The following AFG2A variants were observed in gnomAD, a reference collection of about 807,000 sequenced individuals.
The protein encoded by AFG2A is ATPase family gene 2 protein homolog A.
At chr4:123,030,821 G>A in the AFG2A span, among the ~76,000 whole-genome samples, 2 of 152,108 alleles carry the variant, frequency 1.3e-5, no homozygotes, top group Admixed American at 6.5e-5. Context: ...TCCCAGTTGA[G>A]CATCCCTAAT....
chr4:123,277,820 A>G, the AFG2A span, among the ~76,000 whole-genome samples: 1 of 152,196 alleles, frequency 6.6e-6, no homozygotes, highest in East Asian at 1.9e-4. Context: ...CCAGGGATAA[A>G]GCCTACTTGA....
At chr4:122,989,684 C>T in the AFG2A span, among the ~76,000 whole-genome samples, 16,452 of 151,922 alleles carry the variant, frequency 0.11, 997 homozygotes, top group Middle Eastern at 0.22. Context: ...TGGGGGCTGA[C>T]CTTGGGCTGG....
At chr4:122,979,152 G>C in the AFG2A span, 1 of 1,507,962 alleles carries the variant, frequency 6.6e-7, no homozygotes, top group Non-Finnish European at 8.9e-7. Context: ...TGCCACTCCA[G>C]ATGGGCCACC....
chr4:123,135,151 C>A, the AFG2A span, among the ~76,000 whole-genome samples: 2 of 152,078 alleles, frequency 1.3e-5, no homozygotes, highest in South Asian at 2.1e-4. Context: ...GAATGAAGGA[C>A]AAAAACTACA....
the AFG2A span, among the ~76,000 whole-genome samples, chr4:123,153,335 A>T: frequency 6.6e-6 from 1 of 152,274 alleles, no homozygotes. Flanking sequence ...CTCTGAATTT[A>T]TACTATGTCA....
At chr4:123,266,347 T>G in the AFG2A span, among the ~76,000 whole-genome samples, 1 of 151,944 alleles carries the variant, frequency 6.6e-6, no homozygotes, top group Non-Finnish European at 1.5e-5. Context: ...TTGTCCAGAT[T>G]AGATGACATA....
the AFG2A span, among the ~76,000 whole-genome samples, chr4:123,005,187 G>A: frequency 3.3e-5 from 5 of 152,116 alleles, no homozygotes; most frequent in South Asian, 1.0e-3. Flanking sequence ...GTCTCACTCT[G>A]TTGGCCAGGC....
the AFG2A span, among the ~76,000 whole-genome samples, chr4:123,038,627 C>T: frequency 1.3e-5 from 2 of 152,074 alleles, no homozygotes. Context: ...ACTTGGGTTG[C>T]ATTTTGCAGG....
At chr4:123,209,073 C>G in the AFG2A span, among the ~76,000 whole-genome samples, 1 of 152,102 alleles carries the variant, frequency 6.6e-6, no homozygotes, top group Non-Finnish European at 1.5e-5. Context: ...TTTGTGATAT[C>G]TTTAATAATA....
the AFG2A span, among the ~76,000 whole-genome samples, chr4:122,997,573 G>C: frequency 6.6e-6 from 1 of 151,954 alleles, no homozygotes; most frequent in East Asian, 1.9e-4. Flanking sequence ...TCTACTTTTT[G>C]GCTATTATGA....
At chr4:123,169,571 G>A in the AFG2A span, among the ~76,000 whole-genome samples, 6 of 152,200 alleles carry the variant, frequency 3.9e-5, no homozygotes, top group East Asian at 1.9e-4. Context: ...TCTGCTTCCC[G>A]GGCTTCAAGC....
At chr4:123,256,544 G>A in the AFG2A span, among the ~76,000 whole-genome samples, 2 of 152,288 alleles carry the variant, frequency 1.3e-5, no homozygotes, top group African/African-American at 2.4e-5. Context: ...AAATGGAAAT[G>A]ATACTACTAC....
the AFG2A span, among the ~76,000 whole-genome samples, chr4:123,023,192 GATAATA>G: frequency 7.3e-5 from 11 of 150,276 alleles, no homozygotes; most frequent in Middle Eastern, 3.2e-3. Flanking sequence ...TAATAATAAT[GATAATA>G]ATAATAATAA....
the AFG2A span, among the ~76,000 whole-genome samples, chr4:123,279,442 A>G: frequency 3.3e-5 from 5 of 152,066 alleles, no homozygotes; most frequent in Admixed American, 6.6e-5. Context: ...TTATAGAACT[A>G]ATGTATATAA....
the AFG2A span, among the ~76,000 whole-genome samples, chr4:122,935,541 G>A: frequency 6.6e-6 from 1 of 152,010 alleles, no homozygotes; most frequent in South Asian, 2.1e-4. Context: ...TCATTGCTGG[G>A]TATCAGTGTT....
At chr4:123,042,502 G>T in the AFG2A span, among the ~76,000 whole-genome samples, 1 of 152,086 alleles carries the variant, frequency 6.6e-6, no homozygotes, top group Non-Finnish European at 1.5e-5. Context: ...GGACAAATTT[G>T]GTCCATAGCA....
chr4:123,035,446 T>A, the AFG2A span, among the ~76,000 whole-genome samples: 1 of 152,216 alleles, frequency 6.6e-6, no homozygotes, highest in African/African-American at 2.4e-5. Flanking sequence ...AAATCGGCAG[T>A]TATTAACATC....
the AFG2A span, among the ~76,000 whole-genome samples, chr4:123,132,927 C>T: frequency 6.6e-6 from 1 of 151,832 alleles, no homozygotes; most frequent in East Asian, 2.0e-4. Context: ...ACTACAGGCG[C>T]CCACCACCAC....
At chr4:123,041,483 G>A in the AFG2A span, among the ~76,000 whole-genome samples, 2 of 151,518 alleles carry the variant, frequency 1.3e-5, no homozygotes, top group Non-Finnish European at 2.9e-5. Flanking sequence ...TTTAGACTAT[G>A]TATAATCTAT....
Sources: gnomAD v4.1 joint callset for allele counts (sites outside exome capture counted in the v4.1 genomes callset) on GRCh38, gnomAD v4.1.1 for gene constraint, MANE v1.5 for transcripts, NCBI Gene and HGNC (gene_info 2026-07-23, HGNC 2026-07-21) for gene names.